MEGF8: variants seen among roughly 807,000 people sequenced by gnomAD.
MEGF8 encodes multiple epidermal growth factor-like domains protein 8.
MEGF8 carries 156 observed loss-of-function variants against 302.9 expected under a neutral mutation model. The observed-to-expected ratio is 0.52, with a 90% CI of 0.45 to 0.59. The LOEUF (loss-of-function observed/expected upper bound fraction) is 0.59, where lower values mean the gene tolerates loss of function less well. Ranked by LOEUF, MEGF8 falls within the 20% of genes least tolerant of loss-of-function variation. MEGF8 has a pLI of 0.00. For missense variants in MEGF8, 3,345 were observed against 3,964.5 expected, an observed-to-expected ratio of 0.84 and a Z score of 4.20; for synonymous variants, 1,621 against 1,660.5, an observed-to-expected ratio of 0.98 and a Z score of 0.58.
Position 42,349,505 on chromosome 19 carries a change from G to T in MEGF8, c.2305G>T (p.Val769Leu). ...RGPDTENMEE[V>L]GRWVAHQEKE... ...TCACTCACACCTACCCCAGGAGGAG[G>T]TGGGGCGCTGGGTGGCTCATCAGGA... Residue 769 changes from valine to leucine, a missense_variant, in exon 14 of 42, where the codon GTG becomes TTG. Val to Leu is a conservative substitution (Grantham distance 32). Transcript: ENST00000251268. 1.2e-6 allele frequency: 2 copies of T among 1,611,236 alleles called. No individual in the cohort carries two copies. The highest frequency in any genetic ancestry group is 8.5e-7 in the Non-Finnish European group (1 of 1,179,444).
intron 14 of MEGF8, 57 bp downstream of exon 14, chr19:42,349,756 T>C (rs1017276170): frequency 2.6e-6 from 4 of 1,551,444 alleles, no homozygotes; most frequent in Non-Finnish European, 3.5e-6. Flanking sequence ...TCAGATCACC[T>C]GGGCTTTCTG....
In MEGF8 at chr19:42,336,709, C is replaced by T; in HGVS notation, c.1245-98C>T. ...GAGGGGACATAGAGTCAGTCATGGC[C>T]AGTCTCATCCCTGGGTGATCACATG... On this transcript the variant is annotated intron_variant, in intron 6 of 41. Transcript: ENST00000251268. This position sits in a 1 kb window ranked among gnomAD's most constrained non-coding sequence, Gnocchi z 4.8. 6.7e-7 allele frequency: 1 copy of T among 1,486,274 alleles called. No individual in the cohort carries two copies. The allele number at this position is 1,486,274 out of a possible 1,614,324, so 92.1% of individuals were successfully genotyped here.
chr19:42,341,339 G>T (rs1261659202), intron 8 of MEGF8, among the ~76,000 whole-genome samples: 1 of 145,486 alleles, frequency 6.9e-6, no homozygotes, highest in Non-Finnish European at 1.5e-5. Flanking sequence ...TGAGGCAGGA[G>T]AATCGCTTGA....
Position 42,357,481 on chromosome 19 carries a change from G to T in MEGF8, c.4908G>T (p.Val1636=), listed in dbSNP as rs764726976. The T allele has an allele frequency of 1.2e-6, 2 of 1,613,830 alleles. No homozygotes were observed. Among genetic ancestry groups the T allele is most frequent in the South Asian group, 2.2e-5 (2 of 91,080 alleles). Residue 1636 remains valine (V), a synonymous_variant, in exon 28 of 42, where the codon GTG becomes GTT. Transcript: ENST00000251268. This position sits in a 1 kb window ranked among gnomAD's most constrained non-coding sequence, Gnocchi z 5.2. ...GCCGAGGCCTGTCTCTGCTCCTGGTGGGCGGTTACTCCCCGGAAAATGGCT... is the reference window on the plus strand; with the variant it reads ...GCCGAGGCCTGTCTCTGCTCCTGGTTGGCGGTTACTCCCCGGAAAATGGCT... ...TARRGLSLLL[V]GGYSPENGFN...
chr19:42,345,445 T>A (rs1396675080), intron 12 of MEGF8, among the ~76,000 whole-genome samples: 1 of 152,228 alleles, frequency 6.6e-6, no homozygotes, highest in Non-Finnish European at 1.5e-5. Context: ...CACTCTCTAT[T>A]CCACTCTTCC....
chr19:42,354,911 T>G lies in MEGF8; in HGVS notation c.4144+191T>G, dbSNP rs1350249845. 6.6e-6 allele frequency among the ~76,000 whole-genome samples: 1 copy of G among 152,188 alleles called. No homozygotes were observed. Among genetic ancestry groups the G allele is most frequent in the Non-Finnish European group, 1.5e-5 (1 of 68,034 alleles). ...AGGATTGCGCCGGCTGAGCTACGTC[T>G]GCAGAGAGAAGGGCTGAATGAGACA... is the stretch of plus-strand genomic sequence containing the variant. On this transcript the variant is annotated intron_variant, in intron 23 of 41. Coordinates refer to ENST00000251268, the MANE Select transcript of MEGF8 (RefSeq NM_001271938.2). This position sits in a 1 kb window ranked among gnomAD's most constrained non-coding sequence, Gnocchi z 4.3.
chr19:42,362,395 C>A lies in MEGF8; in HGVS notation c.5856C>A (p.Pro1952=), dbSNP rs748110110. 2.5e-6 allele frequency: 4 copies of A among 1,613,926 alleles called. No homozygotes were observed. The highest frequency in any genetic ancestry group is 1.7e-5 in the Admixed American group (1 of 60,026). ...LQPGDGEAST[P]RCKWCTNCPE... Reference sequence around the variant, plus strand: ...TCTTCCCTCACCAGGCGTCCACCCCCCGCTGTAAGTGGTGTACCAACTGCC... The same window carrying A: ...TCTTCCCTCACCAGGCGTCCACCCCACGCTGTAAGTGGTGTACCAACTGCC... The change falls in exon 34 of 42, where the codon CCC becomes CCA. Residue 1952 remains proline (P), a synonymous_variant. Coordinates refer to ENST00000251268, the MANE Select transcript of MEGF8 (RefSeq NM_001271938.2).
At chr19:42,359,853 A>ATTTTT (rs891961465) in intron 31 of MEGF8, among the ~76,000 whole-genome samples, 37 of 125,394 alleles carry the variant, frequency 3.0e-4, no homozygotes, top group African/African-American at 1.1e-3. Context: ...CGCCTGGATA[A>ATTTTT]TTTTTTTTTT....
intron 8 of MEGF8, among the ~76,000 whole-genome samples, chr19:42,337,742 A>G (rs945296280): frequency 6.6e-6 from 1 of 151,460 alleles, no homozygotes; most frequent in Non-Finnish European, 1.5e-5. Context: ...TCCTGACCTC[A>G]TGATCTGCCC....
intron 8 of MEGF8, 36 bp from the exon 9 acceptor site, chr19:42,343,441 G>A: frequency 6.4e-7 from 1 of 1,557,842 alleles, no homozygotes; most frequent in South Asian, 1.2e-5. Flanking sequence ...AGGGGCTGGG[G>A]GTCTAATAAT....
chr19:42,337,593 C>T (rs1300483603), intron 8 of MEGF8, among the ~76,000 whole-genome samples: 1 of 150,974 alleles, frequency 6.6e-6, no homozygotes, highest in Non-Finnish European at 1.5e-5. Context: ...GCAGGCTCCA[C>T]CCCCCGGGTT....
intron 32 of MEGF8, among the ~76,000 whole-genome samples, chr19:42,361,701 AGCAGGACAGG>A (rs1392451157): frequency 6.6e-6 from 1 of 152,036 alleles, no homozygotes; most frequent in Non-Finnish European, 1.5e-5. Context: ...GGAAGGCCTG[AGCAGGACAGG>A]GCAGGGACGG....
intron 8 of MEGF8, among the ~76,000 whole-genome samples, chr19:42,340,588 C>T (rs1600026304): frequency 6.6e-6 from 1 of 151,608 alleles, no homozygotes; most frequent in Non-Finnish European, 1.5e-5. Flanking sequence ...GTGATCTGCC[C>T]GCCTGGGCCT....
chr19:42,332,482 CT>C (rs1361555674), intron 1 of MEGF8, among the ~76,000 whole-genome samples: 1 of 152,230 alleles, frequency 6.6e-6, no homozygotes, highest in Non-Finnish European at 1.5e-5. Context: ...ATTCTCCTGC[CT>C]CAGCCTCCCA....
intron 35 of MEGF8, among the ~76,000 whole-genome samples, chr19:42,365,171 A>G (rs1397874477): frequency 1.3e-5 from 2 of 152,110 alleles, no homozygotes; most frequent in Non-Finnish European, 2.9e-5. Flanking sequence ...CTCCCCAGAT[A>G]TTATTGAAAT....
chr19:42,353,386 A>G lies in MEGF8; in HGVS notation c.3551-79A>G. On this transcript the variant is annotated intron_variant, in intron 20 of 41. Coordinates refer to ENST00000251268, the MANE Select transcript of MEGF8 (RefSeq NM_001271938.2). The surrounding 1 kb of genome is among the most constrained non-coding windows in gnomAD (Gnocchi z 6.1). ...ACCTTTGAAGCGGCTGGGTGGGGTCAGGGTTTAGCTGAGCCAGTAGGCCTG... is the reference window on the plus strand; with the variant it reads ...ACCTTTGAAGCGGCTGGGTGGGGTCGGGGTTTAGCTGAGCCAGTAGGCCTG... The G allele has an allele frequency of 6.8e-7, 1 of 1,481,344 alleles. No homozygotes were observed. Among genetic ancestry groups the G allele is most frequent in the Non-Finnish European group, 9.2e-7 (1 of 1,092,052 alleles). 91.8% of individuals were successfully genotyped at this position (1,481,344 alleles called of 1,614,324 possible).
rs1241714976 is a variant in MEGF8 at position 42,375,383 on chromosome 19, T to C, written c.7270-124T>C. On this transcript the variant is annotated intron_variant, in intron 41 of 41. Transcript: ENST00000251268. This position sits in a 1 kb window ranked among gnomAD's most constrained non-coding sequence, Gnocchi z 7.1. Reference sequence around the variant, plus strand: ...GGTCACAGGGAAGTGACTGGGGCAGTGGGGGTGAGGCCCAGGGCAATGGCT... The same window carrying C: ...GGTCACAGGGAAGTGACTGGGGCAGCGGGGGTGAGGCCCAGGGCAATGGCT... The C allele has an allele frequency of 1.6e-5, 16 of 1,010,728 alleles. 1 individual carries two copies. Among genetic ancestry groups the C allele is most frequent in the Middle Eastern group, 3.1e-4 (1 of 3,186 alleles). The allele number at this position is 1,010,728 out of a possible 1,614,324, so 62.6% of individuals were successfully genotyped here. A position where few individuals can be genotyped will look rare whatever the true frequency, so the allele number is the denominator to read the frequency against.
Position 42,368,738 on chromosome 19 carries a change from G to C in MEGF8, c.6481+76G>C. The C allele has an allele frequency of 6.5e-7, 1 of 1,549,964 alleles. No individual in the cohort carries two copies. Among genetic ancestry groups the C allele is most frequent in the Non-Finnish European group, 8.7e-7 (1 of 1,149,316 alleles). ...CTGATACAGTGAACATAGGGATACT[G>C]GGCCAGACCCAGAGGTGGGGCTCAG... On this transcript the variant is annotated intron_variant, in intron 36 of 41. Coordinates refer to ENST00000251268, the MANE Select transcript of MEGF8 (RefSeq NM_001271938.2). The surrounding 1 kb of genome is among the most constrained non-coding windows in gnomAD (Gnocchi z 4.9).
At chr19:42,359,804 T>C (rs2147491819) in intron 31 of MEGF8, among the ~76,000 whole-genome samples, 1 of 151,172 alleles carries the variant, frequency 6.6e-6, no homozygotes, top group South Asian at 2.1e-4. Flanking sequence ...TCCTCCCTCC[T>C]CAGCCTCCCA....
Sources: allele counts gnomAD v4.1 joint callset (sites outside exome capture counted in the v4.1 genomes callset), GRCh38; gene constraint gnomAD v4.1.1; non-coding constraint Gnocchi (gnomAD v3.1); transcripts MANE v1.5; gene names NCBI Gene and HGNC (gene_info 2026-07-23, HGNC 2026-07-21).